Variants in TTC27 observed in about 807,000 individuals in gnomAD.
The protein encoded by TTC27 is tetratricopeptide repeat protein 27.
TTC27 carries 79 observed loss-of-function variants against 115.9 expected under a neutral mutation model. The observed-to-expected ratio is 0.68, with a 90% CI of 0.57 to 0.82. The LOEUF (loss-of-function observed/expected upper bound fraction) is 0.82. Among genes scored for constraint, TTC27 ranks in the 40% least tolerant of loss-of-function variants. TTC27 has a pLI of 0.00. For synonymous variants in TTC27, 401 were observed against 356.0 expected (o/e 1.13, Z -1.42); for missense variants, 1,054 against 993.1 (o/e 1.06, Z -0.82).
At chr2:32,697,289 C>T (rs1353779323) in intron 9 of TTC27, among the ~76,000 whole-genome samples, 1 of 152,054 alleles carries the variant, frequency 6.6e-6, no homozygotes, top group Non-Finnish European at 1.5e-5. Flanking sequence ...TATTCAGTTA[C>T]TCATTGCCTC....
In TTC27 at chr2:32,631,272, T is replaced by C. The variant is rs184295505; in HGVS notation, c.266+572T>C. Among the ~76,000 whole-genome samples, 847 of 152,136 alleles carry C rather than the reference T, an allele frequency of 5.6e-3. 11 individuals are homozygous for C. Among genetic ancestry groups the C allele is most frequent in the African/African-American group, 0.019 (797 of 41,514 alleles). On this transcript the variant is annotated intron_variant, in intron 2 of 19. Coordinates refer to ENST00000317907, the MANE Select transcript of TTC27 (RefSeq NM_017735.5). The stretch of plus-strand genomic sequence containing the variant: ...GAGCCAATATCCCGCCATTGCACTC[T>C]AGCCTGGGCGACAGAGCGAGACTCT...
chr2:32,629,117 G>A (rs1435192821), intron 1 of TTC27, among the ~76,000 whole-genome samples: 1 of 150,924 alleles, frequency 6.6e-6, no homozygotes, highest in African/African-American at 2.4e-5. Flanking sequence ...CTAAAATGAG[G>A]CAGCAAAGTT....
chr2:32,634,069 T>G, intron 3 of TTC27, 64 bp downstream of exon 3: 2 of 1,524,912 alleles, frequency 1.3e-6, no homozygotes, highest in Non-Finnish European at 1.8e-6. Flanking sequence ...TAAGCAGGTC[T>G]TTATAAACTG....
intron 12 of TTC27, among the ~76,000 whole-genome samples, chr2:32,748,727 G>A (rs764642692): frequency 1.4e-5 from 2 of 138,576 alleles, no homozygotes; most frequent in East Asian, 2.0e-4. Context: ...TTGCCGTGTT[G>A]CCCAGGCTGG....
intron 7 of TTC27, among the ~76,000 whole-genome samples, chr2:32,670,026 TGCCACCAC>T (rs1354421039): frequency 2.0e-5 from 3 of 151,912 alleles, no homozygotes; most frequent in Admixed American, 6.6e-5. Flanking sequence ...TACAGCCACA[TGCCACCAC>T]GCCCGGATAG....
At chr2:32,745,799 A>G (rs1034852603) in intron 12 of TTC27, among the ~76,000 whole-genome samples, 4 of 152,198 alleles carry the variant, frequency 2.6e-5, no homozygotes, top group African/African-American at 9.7e-5. Flanking sequence ...TTGGTGTCCT[A>G]ACTGGCTGGA....
intron 5 of TTC27, among the ~76,000 whole-genome samples, chr2:32,652,492 T>G (rs921373512): frequency 1.3e-5 from 2 of 152,154 alleles, no homozygotes; most frequent in Non-Finnish European, 2.9e-5. Context: ...GAAACTAAGA[T>G]AGCTGGAAAA....
intron 15 of TTC27, among the ~76,000 whole-genome samples, chr2:32,784,246 A>G (rs1670276519): frequency 6.6e-6 from 1 of 152,118 alleles, no homozygotes; most frequent in South Asian, 2.1e-4. Flanking sequence ...GTTCTTGCAT[A>G]TTGTTTCTCG....
chr2:32,748,067 C>CT (rs36097812), intron 12 of TTC27, among the ~76,000 whole-genome samples: 2 of 151,616 alleles, frequency 1.3e-5, no homozygotes, highest in Non-Finnish European at 2.9e-5. Context: ...GATTTGAGAA[C>CT]TTTTTTTTCA....
At chr2:32,808,421 G>A (rs1216650337) in intron 16 of TTC27, among the ~76,000 whole-genome samples, 1 of 152,166 alleles carries the variant, frequency 6.6e-6, no homozygotes, top group Non-Finnish European at 1.5e-5. Context: ...ACATGCAGAT[G>A]GGGAGCGTGA....
chr2:32,817,661 C>T lies in TTC27; in HGVS notation c.2409+104C>T, dbSNP rs114347906. The T allele has an allele frequency of 0.019, 20,151 of 1,063,476 alleles. 296 individuals are homozygous for T. The highest frequency in any genetic ancestry group is 0.025 in the Non-Finnish European group (17,666 of 701,280). The allele number at this position is 1,063,476 out of a possible 1,614,324, so 65.9% of individuals were successfully genotyped here. A position where few individuals can be genotyped will look rare whatever the true frequency, so the allele number is the denominator to read the frequency against. Reference sequence around the variant, plus strand: ...CTTTTACATCAGTGATAATTTTAGGCGCATGTTTTATTTAATATAGCAGCC... The same window carrying T: ...CTTTTACATCAGTGATAATTTTAGGTGCATGTTTTATTTAATATAGCAGCC... On this transcript the variant is annotated intron_variant, in intron 19 of 19. Transcript: ENST00000317907.
intron 5 of TTC27, among the ~76,000 whole-genome samples, chr2:32,654,049 G>A (rs1367966310): frequency 6.6e-6 from 1 of 152,036 alleles, no homozygotes; most frequent in Non-Finnish European, 1.5e-5. Context: ...CATATCTACA[G>A]CTTTTATCCT....
At chr2:32,651,843 T>C (rs73922771) in intron 5 of TTC27, among the ~76,000 whole-genome samples, 228 of 152,350 alleles carry the variant, frequency 1.5e-3, no homozygotes, top group African/African-American at 5.2e-3. Flanking sequence ...CAAATAGAGA[T>C]AATAATGAAA....
rs545634806 is a variant in TTC27, at chr2:32,647,300, T to C, written c.538-2831T>C. Among the ~76,000 whole-genome samples, 16 of 152,230 alleles carry C rather than the reference T, an allele frequency of 1.1e-4. No homozygotes were observed. In the South Asian group the frequency reaches 1.2e-3, roughly 12 times the overall value. On this transcript the variant is annotated intron_variant, in intron 4 of 19. Transcript: ENST00000317907. ...TTGACTGGATGTATCTAAATTCCCA[T>C]GTCTAGAAAAGTAAAAGAATAAGCT... is the stretch of plus-strand genomic sequence containing the variant.
intron 10 of TTC27, among the ~76,000 whole-genome samples, chr2:32,722,486 G>A (rs990109303): frequency 1.1e-4 from 17 of 152,144 alleles, no homozygotes; most frequent in African/African-American, 3.9e-4. Context: ...TCCTAGGGAG[G>A]AGTCATTATG....
intron 10 of TTC27, among the ~76,000 whole-genome samples, chr2:32,720,355 A>C (rs1314684240): frequency 6.6e-6 from 1 of 152,224 alleles, no homozygotes; most frequent in African/African-American, 2.4e-5. Context: ...GAATTAGAAA[A>C]ATAGAATTTT....
At chr2:32,782,757 A>G in intron 15 of TTC27, 79 bp downstream of exon 15, 2 of 1,182,106 alleles carry the variant, frequency 1.7e-6, no homozygotes, top group Non-Finnish European at 2.5e-6. Flanking sequence ...ACATTGTTTC[A>G]ATGTTTCTCC....
chr2:32,746,108 G>C (rs902180461), intron 12 of TTC27, among the ~76,000 whole-genome samples: 3 of 152,138 alleles, frequency 2.0e-5, no homozygotes, highest in Non-Finnish European at 4.4e-5. Flanking sequence ...TATGTGGAGC[G>C]GGGGTAATGA....
chr2:32,705,287 A>T (rs1667328636), intron 10 of TTC27, among the ~76,000 whole-genome samples: 1 of 152,152 alleles, frequency 6.6e-6, no homozygotes, highest in Non-Finnish European at 1.5e-5. Flanking sequence ...TCAGTAGCTG[A>T]GGTACATGCT....
Sources: allele counts gnomAD v4.1 joint callset (sites outside exome capture counted in the v4.1 genomes callset), GRCh38; gene constraint gnomAD v4.1.1; transcripts MANE v1.5; gene names NCBI Gene and HGNC (gene_info 2026-07-23, HGNC 2026-07-21).